The following EPRS1 variants were observed in gnomAD, a reference collection of about 807,000 sequenced individuals.
The protein encoded by EPRS1 is bifunctional glutamate/proline--tRNA ligase.
EPRS1 carries 107 observed loss-of-function variants against 188.3 expected under a neutral mutation model. The ratio of observed to expected loss-of-function variants is 0.57; its 90% CI spans 0.49 to 0.67. EPRS1 has a LOEUF of 0.67. EPRS1 is among the 30% of genes least tolerant of loss of function. The pLI, the probability that EPRS1 is intolerant of heterozygous loss-of-function variation, is 0.00. For missense variants in EPRS1, 1,577 were observed against 1,802.2 expected (o/e 0.88, Z 2.26); for synonymous variants, 596 against 593.1 (o/e 1.00, Z -0.07).
chr1:219,973,428 T>C, intron 28 of EPRS1, 30 bp from the exon 29 acceptor site: 1 of 1,516,180 alleles, frequency 6.6e-7, no homozygotes, highest in Non-Finnish European at 9.1e-7. Flanking sequence ...GTTAAAATGA[T>C]ATATGAATGT....
intron 30 of EPRS1, among the ~76,000 whole-genome samples, chr1:219,970,256 C>G (rs573579705): frequency 1.5e-4 from 23 of 152,132 alleles, no homozygotes; most frequent in Non-Finnish European, 2.9e-4. Context: ...AGGGGAATAG[C>G]AAAGTTGTGA....
intron 5 of EPRS1, 38 bp from the exon 6 acceptor site, chr1:220,030,518 T>A (rs773701358): frequency 1.4e-6 from 2 of 1,469,724 alleles, no homozygotes; most frequent in South Asian, 2.3e-5. Flanking sequence ...AAAAGTCTTA[T>A]GGTTAAATGT....
chr1:220,018,590 G>GAA (rs35962858), intron 11 of EPRS1, 82 bp from the exon 12 acceptor site: 103,775 of 596,384 alleles, frequency 0.17, 60 homozygotes, highest in East Asian at 0.25. Flanking sequence ...AGCATGTTTA[G>GAA]AAAAAAAAAA....
chr1:220,001,368 T>C, intron 16 of EPRS1, 113 bp from the exon 17 acceptor site: 1 of 693,464 alleles, frequency 1.4e-6, no homozygotes, highest in Non-Finnish European at 2.6e-6. Context: ...CTTTTCTTTC[T>C]TTTTTTCTTT....
chr1:220,029,110 C>T (rs770741148), intron 6 of EPRS1, among the ~76,000 whole-genome samples: 1 of 151,902 alleles, frequency 6.6e-6, no homozygotes, highest in Non-Finnish European at 1.5e-5. Context: ...TGGCCACTGC[C>T]AAAAAAAGGT....
At chr1:219,986,842 C>G (rs1661015907) in intron 20 of EPRS1, among the ~76,000 whole-genome samples, 1 of 151,490 alleles carries the variant, frequency 6.6e-6, no homozygotes, top group Non-Finnish European at 1.5e-5. Context: ...GAAAATCGCT[C>G]AACAGATACA....
chr1:220,018,072 A>G (rs1230941183), intron 12 of EPRS1: 59 of 1,067,580 alleles, frequency 5.5e-5, no homozygotes, highest in Non-Finnish European at 7.2e-5. Flanking sequence ...TCAGGTTTTA[A>G]CATGTAATAT....
chr1:220,022,630 G>T, intron 8 of EPRS1, 112 bp from the exon 9 acceptor site: 1 of 873,624 alleles, frequency 1.1e-6, no homozygotes, highest in South Asian at 1.8e-5. Flanking sequence ...ACCACCCTGT[G>T]TTAGTTTAAA....
intron 6 of EPRS1, among the ~76,000 whole-genome samples, chr1:220,029,223 T>C (rs1234608781): frequency 6.6e-6 from 1 of 152,140 alleles, no homozygotes; most frequent in Admixed American, 6.6e-5. Flanking sequence ...AAGATGTCTA[T>C]AGATATTAAA....
rs112783173 is a variant in EPRS1, at chr1:220,035,031, G to A, written c.132-18C>T. Reference sequence around the variant, plus strand: ...TCACATTTCTAGAATATAAGCACGAGATAAAATATTACTGCTGCTCTAGCA... The same window carrying A: ...TCACATTTCTAGAATATAAGCACGAAATAAAATATTACTGCTGCTCTAGCA... On this transcript the variant is annotated intron_variant, in intron 2 of 31. Coordinates refer to ENST00000366923, the MANE Select transcript of EPRS1 (RefSeq NM_004446.3). 1.4e-4 allele frequency: 172 copies of A among 1,249,728 alleles called. 2 individuals are homozygous for A. The African/African-American group carries it at 2.1e-3, about 15-fold the overall frequency. 77.4% of individuals were successfully genotyped at this position (1,249,728 alleles called of 1,614,324 possible). A position where few individuals can be genotyped will look rare whatever the true frequency, so the allele number is the denominator to read the frequency against.
chr1:219,988,529 G>T, intron 19 of EPRS1, 61 bp downstream of exon 19: 1 of 1,139,142 alleles, frequency 8.8e-7, no homozygotes, highest in South Asian at 1.4e-5. Context: ...AAACACTTGA[G>T]GCAAAGACAA....
rs578178213 is a variant in EPRS1 at position 220,018,018 on chromosome 1, G to C, written c.1494+431C>G. On this transcript the variant is annotated intron_variant, in intron 12 of 31. Coordinates refer to ENST00000366923, the MANE Select transcript of EPRS1 (RefSeq NM_004446.3). ...ATTTTCAATGCGTTTGTATAAGCAA[G>C]TCTTTTATATAAATGTGATTGTGCT... is the stretch of plus-strand genomic sequence containing the variant. 1.0e-4 allele frequency: 57 copies of C among 545,568 alleles called. 1 individual carries two copies. In the Admixed American group the frequency reaches 1.7e-3, roughly 16 times the overall value. 33.8% of individuals were successfully genotyped at this position (545,568 alleles called of 1,614,324 possible). A position where few individuals can be genotyped will look rare whatever the true frequency, so the allele number is the denominator to read the frequency against.
At chr1:220,004,407 T>C (rs1661418804) in intron 16 of EPRS1, among the ~76,000 whole-genome samples, 1 of 152,100 alleles carries the variant, frequency 6.6e-6, no homozygotes, top group Admixed American at 6.6e-5. Context: ...CTGGTGGGCA[T>C]GTGAAAACTG....
In EPRS1 at chr1:219,997,023, C is replaced by G; in HGVS notation, c.2501G>C (p.Gly834Ala). 3 of 1,611,874 alleles carry G rather than the reference C, an allele frequency of 1.9e-6. No individual in the cohort carries two copies. Among genetic ancestry groups the G allele is most frequent in the Non-Finnish European group, 2.5e-6 (3 of 1,179,312 alleles). ...AGCTTTTAGCTTACGAACCACCTCC[C>G]CTTGTGCAGCAACTTCATCATACAG... ...KSLYDEVAAQ[G>A]EVVRKLKAEK... Residue 834 changes from glycine to alanine, a missense_variant, in exon 18 of 32, where the codon GGG becomes GCG. Gly to Ala is a moderately conservative substitution (Grantham distance 60). Around this residue, in one of 3 missense-constraint regions of EPRS1, gnomAD observed 1,278 missense variants for 1,457.4 expected, o/e 0.88. Transcript: ENST00000366923.
chr1:220,014,407 A>C (rs1056406888), intron 12 of EPRS1, among the ~76,000 whole-genome samples: 2 of 152,030 alleles, frequency 1.3e-5, no homozygotes, highest in African/African-American at 4.8e-5. Flanking sequence ...ACTCCATATA[A>C]CCAGGCAACT....
At position 220,020,870 on chromosome 1, in the gene EPRS1, A is replaced by ATATATATATG. The variant is rs1219334636; in HGVS notation, c.1116-650_1116-649insCATATATATA. The stretch of plus-strand genomic sequence containing the variant: ...TATATATATATATATATATATATAT[A>ATATATATATG]TTAGTGCATTATGCTTTCTTTCTTT... On this transcript the variant is annotated intron_variant, in intron 9 of 31. Transcript: ENST00000366923. Among the ~76,000 whole-genome samples, 52 of 77,292 alleles carry ATATATATATG rather than the reference A, an allele frequency of 6.7e-4. 2 individuals are homozygous for ATATATATATG. Among genetic ancestry groups the ATATATATATG allele is most frequent in the Non-Finnish European group, 8.8e-4 (35 of 39,676 alleles). The allele number at this position is 77,292 out of a possible 152,430, so 50.7% of individuals were successfully genotyped here. A position where few individuals can be genotyped will look rare whatever the true frequency, so the allele number is the denominator to read the frequency against.
intron 1 of EPRS1, among the ~76,000 whole-genome samples, chr1:220,041,840 G>C (rs1165123604): frequency 6.6e-6 from 1 of 151,082 alleles, no homozygotes; most frequent in Non-Finnish European, 1.5e-5. Context: ...AATTCTGTCT[G>C]AAAAAAAAGA....
chr1:219,989,959 A>G (rs926645693), intron 18 of EPRS1, among the ~76,000 whole-genome samples: 7 of 152,122 alleles, frequency 4.6e-5, no homozygotes, highest in African/African-American at 1.4e-4. Flanking sequence ...GGGGGGAAAA[A>G]AGGGAAATTT....
At position 219,982,859 on chromosome 1, in the gene EPRS1, T is replaced by C. The variant is rs1343868932; in HGVS notation, c.3301-15A>G. On this transcript the variant is annotated splice_polypyrimidine_tract_variant and intron_variant, in intron 22 of 31. Transcript: ENST00000366923. ...ACCCAAGCAACCTAGTAAGAAAAAA[T>C]CATTTTTCATACTTTTTTTTCAATA... 6.2e-7 allele frequency: 1 copy of C among 1,610,958 alleles called. No homozygotes were observed. Among genetic ancestry groups the C allele is most frequent in the Non-Finnish European group, 8.5e-7 (1 of 1,177,222 alleles).
Sources: gnomAD v4.1 joint callset for allele counts (sites outside exome capture counted in the v4.1 genomes callset) on GRCh38, gnomAD v4.1.1 for gene constraint, gnomAD v4.1.1 regional missense constraint, MANE v1.5 for transcripts, NCBI Gene and HGNC (gene_info 2026-07-23, HGNC 2026-07-21) for gene names.